The following EXTL3 variants were observed in gnomAD, a reference collection of about 807,000 sequenced individuals.
EXTL3 encodes exostosin like glycosyltransferase 3, also known as exostosin-like 3.
In EXTL3, 27 loss-of-function variants were observed where a neutral mutation model predicts 69.3. That is an observed-to-expected ratio of 0.39 (90% CI 0.29 to 0.54). The LOEUF (loss-of-function observed/expected upper bound fraction) is 0.54. Among genes scored for constraint, EXTL3 ranks in the 20% least tolerant of loss-of-function variants. The probability of loss-of-function intolerance (pLI) is 0.69; values close to 1 mark genes in which losing one functional copy is unlikely to be tolerated. For missense variants in EXTL3, 1,003 were observed against 1,231.8 expected (o/e 0.81, Z 2.78); for synonymous variants, 511 against 499.4 (o/e 1.02, Z -0.31).
intron 1 of EXTL3, among the ~76,000 whole-genome samples, chr8:28,646,416 T>A (rs552281740): frequency 1.3e-5 from 2 of 152,332 alleles, no homozygotes; most frequent in South Asian, 4.1e-4. Flanking sequence ...TGTTTATGGT[T>A]GACATACTAA....
chr8:28,696,416 T>C (rs1344097199), intron 1 of EXTL3: 1 of 152,082 alleles, frequency 6.6e-6, no homozygotes, highest in Non-Finnish European at 1.5e-5. Context: ...TTAAGCTTTC[T>C]ATCAATGGAA....
chr8:28,699,913 C>T (rs150924442), upstream of EXTL3: 1,087 of 152,316 alleles, frequency 7.1e-3, 7 homozygotes, highest in Non-Finnish European at 0.012. Context: ...AACTGCACGT[C>T]CTCTCTCGCC....
rs181283322 is a variant in EXTL3, at chr8:28,625,635, G to C, written c.-53+2825G>C. Among the ~76,000 whole-genome samples, 273 of 152,196 alleles carry C rather than the reference G, an allele frequency of 1.8e-3. 2 individuals carry two copies. The highest frequency in any genetic ancestry group is 6.3e-3 in the African/African-American group (261 of 41,508). On this transcript the variant is annotated intron_variant, in intron 1 of 6. Transcript: ENST00000523149. ...CAATAAACACCCTAGCACAGTTTTA[G>C]GATTAGGAATATGAAGATAAATAGT...
intron 1 of EXTL3, among the ~76,000 whole-genome samples, chr8:28,678,815 T>A (rs1807432321): frequency 6.6e-6 from 1 of 152,210 alleles, no homozygotes; most frequent in Non-Finnish European, 1.5e-5. Flanking sequence ...CCCCTATATG[T>A]TCCAACTGTT....
At position 28,716,776 on chromosome 8, in the gene EXTL3, G is replaced by C; in HGVS notation, c.717G>C (p.Val239=). 6.2e-7 allele frequency: 1 copy of C among 1,614,276 alleles called. No individual in the cohort carries two copies. The highest frequency in any genetic ancestry group is 8.5e-7 in the Non-Finnish European group (1 of 1,180,058). Residue 239 remains valine (V), a synonymous_variant, in exon 3 of 7, where the codon GTG becomes GTC. Transcript: ENST00000220562. This position sits in a 1 kb window ranked among gnomAD's most constrained non-coding sequence, Gnocchi z 7.1. The stretch of plus-strand genomic sequence containing the variant: ...ATGCAGACATCGCCTGCCTTTACGT[G>C]ATACTAGTGGGAGAGATGCAGGAGC... ...TENADIACLY[V]ILVGEMQEPV...
rs567212996 is a variant in EXTL3, at chr8:28,610,990, A to G, written n.314+3232A>G. Among the ~76,000 whole-genome samples the G allele has an allele frequency of 2.3e-4, 35 of 152,158 alleles. 3 individuals carry two copies. The South Asian group carries it at 6.4e-3, about 28-fold the overall frequency. Reference sequence around the variant, plus strand: ...ACTCCTGATCTCAAGTGATCCATCCACCTCGGCCTCCCAAAGTGCTGGGAT... The same window carrying G: ...ACTCCTGATCTCAAGTGATCCATCCGCCTCGGCCTCCCAAAGTGCTGGGAT... On this transcript the variant is annotated intron_variant and non_coding_transcript_variant, in intron 2 of 4. Coordinates refer to the EXTL3 transcript ENST00000522725.
intron 1 of EXTL3, among the ~76,000 whole-genome samples, chr8:28,653,011 A>T (rs1465271631): frequency 6.6e-6 from 1 of 152,210 alleles, no homozygotes; most frequent in Non-Finnish European, 1.5e-5. Context: ...TGATTAACCA[A>T]ATTGACATAT....
rs372533495 is a variant in EXTL3 at position 28,634,371 on chromosome 8, G to A, written c.-53+11561G>A. The stretch of plus-strand genomic sequence containing the variant: ...CCCCTCCTGATCGCTCCCTACCCCC[G>A]GCTCTACTCAGGCCGTGCAGCTCGC... On this transcript the variant is annotated intron_variant, in intron 1 of 6. Transcript: ENST00000523149. Among the ~76,000 whole-genome samples, 8 of 152,064 alleles carry A rather than the reference G, an allele frequency of 5.3e-5. 1 individual carries two copies. Among genetic ancestry groups the A allele is most frequent in the African/African-American group, 1.4e-4 (6 of 41,474 alleles).
intron 5 of EXTL3, among the ~76,000 whole-genome samples, chr8:28,738,464 G>A (rs1801698984): frequency 6.6e-6 from 1 of 152,178 alleles, no homozygotes; most frequent in Non-Finnish European, 1.5e-5. Flanking sequence ...GATTTTTACT[G>A]TCTCTTTTTA....
chr8:28,675,498 C>A (rs1807366696), intron 1 of EXTL3, among the ~76,000 whole-genome samples: 1 of 152,016 alleles, frequency 6.6e-6, no homozygotes, highest in Admixed American at 6.6e-5. Context: ...TGCAGTAGTG[C>A]CCAGCTACAC....
At position 28,623,518 on chromosome 8, in the gene EXTL3, T is replaced by G. The variant is rs1461757609; in HGVS notation, c.-53+708T>G. The stretch of plus-strand genomic sequence containing the variant: ...TCCTCAGCCTGTTTCTGGGTCACCC[T>G]GCAGGGCTCCATCCGTTCAGTCTCA... On this transcript the variant is annotated intron_variant, in intron 1 of 6. Coordinates refer to the EXTL3 transcript ENST00000523149. The surrounding 1 kb of genome is among the most constrained non-coding windows in gnomAD (Gnocchi z 4.2). 2.0e-5 allele frequency among the ~76,000 whole-genome samples: 3 copies of G among 152,176 alleles called. No homozygotes were observed. Among genetic ancestry groups the G allele is most frequent in the Non-Finnish European group, 2.9e-5 (2 of 68,018 alleles).
At chr8:28,673,966 G>T (rs1807339987) in intron 1 of EXTL3, among the ~76,000 whole-genome samples, 1 of 152,188 alleles carries the variant, frequency 6.6e-6, no homozygotes, top group South Asian at 2.1e-4. Flanking sequence ...AGTGCTAATA[G>T]TCCATAACGT....
chr8:28,614,670 C>T (rs1359740829), intron 2 of EXTL3, among the ~76,000 whole-genome samples: 2 of 152,116 alleles, frequency 1.3e-5, no homozygotes, highest in Non-Finnish European at 2.9e-5. Flanking sequence ...TATCTCCATT[C>T]AATGCTATAA....
upstream of EXTL3, among the ~76,000 whole-genome samples, chr8:28,620,073 C>T (rs1274115896): frequency 5.9e-5 from 9 of 151,772 alleles, no homozygotes; most frequent in East Asian, 1.5e-3. Context: ...CGGGGTTTCA[C>T]TGTGTTAACC....
intron 1 of EXTL3, among the ~76,000 whole-genome samples, chr8:28,708,609 AAAAAC>A (rs1430675810): frequency 6.6e-6 from 1 of 152,112 alleles, no homozygotes; most frequent in African/African-American, 2.4e-5. Flanking sequence ...GTTAGTACTT[AAAAAC>A]AAAACAATCC....
At chr8:28,609,782 T>C (rs1585212771) in intron 2 of EXTL3, among the ~76,000 whole-genome samples, 2 of 150,676 alleles carry the variant, frequency 1.3e-5, no homozygotes, top group Non-Finnish European at 3.0e-5. Context: ...CCCAGCTACT[T>C]GGAAGGTTGA....
chr8:28,647,267 A>G (rs111671855), intron 1 of EXTL3, among the ~76,000 whole-genome samples: 5,378 of 151,884 alleles, frequency 0.035, 284 homozygotes, highest in African/African-American at 0.11. Flanking sequence ...ACCATGCCCA[A>G]TGAATTTTTT....
chr8:28,749,191 A>T (rs190143784), intron 6 of EXTL3, among the ~76,000 whole-genome samples: 6 of 152,324 alleles, frequency 3.9e-5, no homozygotes, highest in Non-Finnish European at 8.8e-5. Context: ...GAGTGAACAC[A>T]TATAACAAAC....
At position 28,716,276 on chromosome 8, in the gene EXTL3, C is replaced by T; in HGVS notation, c.217C>T (p.Leu73=). 2 of 1,614,260 alleles carry T rather than the reference C, an allele frequency of 1.2e-6. No homozygotes were observed. The highest frequency in any genetic ancestry group is 1.6e-4 in the Middle Eastern group (1 of 6,062). ...TTTTGGTCCCCGGGTGGGGAACGAG[C>T]TGTGCGAGGTGAAGCACGTGCTGGA... ...RIFGPRVGNE[L]CEVKHVLDLC... Residue 73 remains leucine (L), a synonymous_variant, in exon 3 of 7, where the codon CTG becomes TTG. Transcript: ENST00000220562. The surrounding 1 kb of genome is among the most constrained non-coding windows in gnomAD (Gnocchi z 7.1).
Sources: allele counts gnomAD v4.1 joint callset (sites outside exome capture counted in the v4.1 genomes callset), GRCh38; gene constraint gnomAD v4.1.1; non-coding constraint Gnocchi (gnomAD v3.1); transcripts MANE v1.5; gene names NCBI Gene and HGNC (gene_info 2026-07-23, HGNC 2026-07-21).